Variants in NEK10 observed in about 807,000 individuals in gnomAD.
The protein encoded by NEK10 is NIMA related kinase 10, also known as serine/threonine-protein kinase Nek10.
In NEK10, 122 loss-of-function variants were observed where a neutral mutation model predicts 159.8. That is an observed-to-expected ratio of 0.76 (90% confidence interval 0.66 to 0.89). The LOEUF is 0.89. NEK10 is among the 40% of genes least tolerant of loss of function. The probability of loss-of-function intolerance (pLI) is 0.00; values close to 1 mark genes in which losing one functional copy is unlikely to be tolerated. For synonymous variants in NEK10, 466 were observed against 457.1 expected (o/e 1.02, Z -0.25); for missense variants, 1,342 against 1,323.1 (o/e 1.01, Z -0.22).
At chr3:27,339,038 T>C (rs1015555600) in intron 5 of NEK10, among the ~76,000 whole-genome samples, 1 of 152,140 alleles carries the variant, frequency 6.6e-6, no homozygotes, top group Non-Finnish European at 1.5e-5. Flanking sequence ...TTACAAACTA[T>C]TCATCAACAA....
chr3:27,298,314 T>G (rs574830631), intron 13 of NEK10, among the ~76,000 whole-genome samples: 38 of 152,264 alleles, frequency 2.5e-4, no homozygotes, highest in Non-Finnish European at 3.8e-4. Flanking sequence ...CTGATGGTTT[T>G]AAAAATGGGA....
At chr3:27,252,377 G>C (rs547748834) in intron 23 of NEK10, among the ~76,000 whole-genome samples, 27 of 152,210 alleles carry the variant, frequency 1.8e-4, no homozygotes, top group Admixed American at 4.6e-4. Flanking sequence ...GTATTCCAAG[G>C]AGGAGTATTT....
chr3:27,193,379 T>C (rs906560620), intron 25 of NEK10, among the ~76,000 whole-genome samples: 2 of 152,146 alleles, frequency 1.3e-5, no homozygotes, highest in African/African-American at 4.8e-5. Flanking sequence ...TCTGACTATA[T>C]TATTTCTCTA....
At chr3:27,271,505 T>G (rs1038629426) in intron 22 of NEK10, among the ~76,000 whole-genome samples, 2 of 152,196 alleles carry the variant, frequency 1.3e-5, no homozygotes, top group Admixed American at 1.3e-4. Flanking sequence ...GTAAGAGTCA[T>G]CTTATTCTTA....
intron 28 of NEK10, among the ~76,000 whole-genome samples, chr3:27,172,464 T>C (rs1347567422): frequency 6.6e-6 from 1 of 151,988 alleles, no homozygotes; most frequent in African/African-American, 2.4e-5. Context: ...AGAAGGGAAG[T>C]TAGTATATCA....
At chr3:27,252,660 C>T (rs965757236) in intron 23 of NEK10, among the ~76,000 whole-genome samples, 9 of 151,480 alleles carry the variant, frequency 5.9e-5, no homozygotes, top group Admixed American at 5.9e-4. Context: ...GTGTGTAGAT[C>T]AGAGGAAATA....
chr3:27,157,753 G>A (rs1945625294), intron 30 of NEK10, among the ~76,000 whole-genome samples: 1 of 152,154 alleles, frequency 6.6e-6, no homozygotes. Flanking sequence ...ACGCTACAGA[G>A]AAACTTTTGT....
chr3:27,126,314 G>A (rs1363185285), intron 32 of NEK10, among the ~76,000 whole-genome samples: 1 of 152,152 alleles, frequency 6.6e-6, no homozygotes, highest in African/African-American at 2.4e-5. Context: ...CAGGGAAAAT[G>A]TTACTGGGTT....
At chr3:27,199,530 T>C (rs1030542945) in intron 25 of NEK10, among the ~76,000 whole-genome samples, 1 of 152,202 alleles carries the variant, frequency 6.6e-6, no homozygotes, top group Non-Finnish European at 1.5e-5. Context: ...AGTTCTACCA[T>C]TGTGGAAAAC....
At chr3:27,362,794 T>C (rs780551572) in intron 1 of NEK10, among the ~76,000 whole-genome samples, 7 of 151,942 alleles carry the variant, frequency 4.6e-5, no homozygotes, top group African/African-American at 1.2e-4. Flanking sequence ...ATGACACTTA[T>C]CTGTCCACCG....
chr3:27,302,430 G>C (rs955746284), intron 12 of NEK10, among the ~76,000 whole-genome samples: 2 of 151,500 alleles, frequency 1.3e-5, no homozygotes, highest in Non-Finnish European at 2.9e-5. Context: ...TATCGGTTCT[G>C]TAGGTGTTAT....
intron 15 of NEK10, among the ~76,000 whole-genome samples, chr3:27,294,237 T>C (rs2043192257): frequency 6.6e-6 from 1 of 152,224 alleles, no homozygotes; most frequent in Admixed American, 6.5e-5. Flanking sequence ...ATCTGACATT[T>C]TGCAGTACTG....
chr3:27,135,666 T>G (rs1011121538), intron 31 of NEK10, among the ~76,000 whole-genome samples: 7 of 152,368 alleles, frequency 4.6e-5, no homozygotes, highest in Admixed American at 3.3e-4. Context: ...TAATTCTATT[T>G]TTTAAAAAGT....
chr3:27,178,278 G>A (rs956171632), intron 26 of NEK10, among the ~76,000 whole-genome samples: 1 of 152,164 alleles, frequency 6.6e-6, no homozygotes, highest in Admixed American at 6.5e-5. Context: ...AACTGCTACA[G>A]TAGGAAAATT....
At chr3:27,306,591 C>T (rs1220352602) in intron 11 of NEK10, among the ~76,000 whole-genome samples, 1 of 152,110 alleles carries the variant, frequency 6.6e-6, no homozygotes, top group Non-Finnish European at 1.5e-5. Flanking sequence ...TTAAAATGTT[C>T]CCATGAGTCC....
intron 30 of NEK10, among the ~76,000 whole-genome samples, chr3:27,147,809 T>C (rs544620478): frequency 3.3e-5 from 5 of 152,340 alleles, no homozygotes; most frequent in South Asian, 2.1e-4. Context: ...TATTGCCCTA[T>C]AGAAGTTCTA....
At chr3:27,130,177 C>T (rs887135565) in intron 32 of NEK10, among the ~76,000 whole-genome samples, 20 of 152,272 alleles carry the variant, frequency 1.3e-4, no homozygotes, top group African/African-American at 4.8e-4. Context: ...CCACCATGGG[C>T]TTGTAGTATC....
intron 31 of NEK10, among the ~76,000 whole-genome samples, chr3:27,138,773 G>T (rs1409860123): frequency 1.3e-5 from 2 of 152,156 alleles, no homozygotes; most frequent in African/African-American, 4.8e-5. Context: ...AATAGGACAT[G>T]GGATGCTAGT....
chr3:27,200,596 T>G (rs13318287), intron 25 of NEK10, among the ~76,000 whole-genome samples: 2,838 of 152,300 alleles, frequency 0.019, 52 homozygotes, highest in African/African-American at 0.046. Context: ...AAGCTACAAA[T>G]TAACTGACTA....
Sources: allele counts gnomAD v4.1 joint callset (sites outside exome capture counted in the v4.1 genomes callset), GRCh38; gene constraint gnomAD v4.1.1; transcripts MANE v1.5; gene names NCBI Gene and HGNC (gene_info 2026-07-23, HGNC 2026-07-21).